Variants in TNRC18 observed in about 807,000 individuals in gnomAD.
The protein encoded by TNRC18 is trinucleotide repeat-containing gene 18 protein.
In TNRC18, 69 loss-of-function variants were observed where a neutral mutation model predicts 226.7. That is an observed-to-expected ratio of 0.30 (90% CI 0.25 to 0.37). The LOEUF is 0.37. Among genes scored for constraint, TNRC18 ranks in the 10% least tolerant of loss-of-function variants. TNRC18 has a pLI of 1.00. For synonymous variants in TNRC18, 2,449 were observed against 1,927.6 expected (o/e 1.27, Z -7.09); for missense variants, 4,754 against 4,256.6 (o/e 1.12, Z -3.25).
chr7:5,364,462 AACACACACACACACACAC>A (rs58752853), intron 11 of TNRC18, among the ~76,000 whole-genome samples: 3,270 of 116,680 alleles, frequency 0.028, 64 homozygotes, highest in Non-Finnish European at 0.042. Context: ...TCTCAAAGAA[AACACACACACACACACAC>A]ACACACACAC....
At position 5,309,025 on chromosome 7, in the gene TNRC18, T is replaced by C; in HGVS notation, c.8626-76A>G. The stretch of plus-strand genomic sequence containing the variant: ...CCGACCCCAGGCCCCAGGACAGGGC[T>C]GACCCACTGGGCAGGGCTGCTGATG... On this transcript the variant is annotated intron_variant, in intron 28 of 29. Coordinates refer to ENST00000430969, the MANE Select transcript of TNRC18 (RefSeq NM_001080495.3). This position sits in a 1 kb window ranked among gnomAD's most constrained non-coding sequence, Gnocchi z 5.7. 2 of 1,524,908 alleles carry C rather than the reference T, an allele frequency of 1.3e-6. No individual in the cohort carries two copies. Among genetic ancestry groups the C allele is most frequent in the Non-Finnish European group, 1.8e-6 (2 of 1,121,938 alleles). 94.5% of individuals were successfully genotyped at this position (1,524,908 alleles called of 1,614,324 possible).
chr7:5,327,309 G>GA (rs1175980572), intron 19 of TNRC18, among the ~76,000 whole-genome samples: 1 of 152,136 alleles, frequency 6.6e-6, no homozygotes, highest in Non-Finnish European at 1.5e-5. Flanking sequence ...ATGTTCTAGG[G>GA]AAAAAGAATA....
rs1276582254 is a variant in TNRC18, at chr7:5,312,196, G to A, written c.8388+307C>T. On this transcript the variant is annotated intron_variant, in intron 27 of 29. Transcript: ENST00000430969. The surrounding 1 kb of genome is among the most constrained non-coding windows in gnomAD (Gnocchi z 6.3). ...AAAGCCCCTTCCACGTGGCGCCGAC[G>A]CCTGTGGGTCTGTGCTGATCTTTGC... Among the ~76,000 whole-genome samples the A allele has an allele frequency of 6.6e-6, 1 of 152,124 alleles. No individual in the cohort carries two copies. The highest frequency in any genetic ancestry group is 6.5e-5 in the Admixed American group (1 of 15,280).
intron 19 of TNRC18, among the ~76,000 whole-genome samples, chr7:5,326,772 A>G (rs1431680891): frequency 1.1e-4 from 16 of 149,204 alleles, no homozygotes; most frequent in African/African-American, 3.5e-4. Context: ...GCGCCACCAC[A>G]CTCCAGCCTG....
chr7:5,321,794 C>T (rs923335432), intron 21 of TNRC18, among the ~76,000 whole-genome samples: 30 of 151,766 alleles, frequency 2.0e-4, no homozygotes, highest in Non-Finnish European at 4.0e-4. Context: ...GCCTCAGCCT[C>T]CCAAGCAGCT....
At chr7:5,332,574 G>A in intron 19 of TNRC18, 48 bp downstream of exon 19, 8 of 1,477,720 alleles carry the variant, frequency 5.4e-6, no homozygotes, top group Non-Finnish European at 7.1e-6. Context: ...CTCCCTCACG[G>A]AACCCCAGGG....
intron 11 of TNRC18, among the ~76,000 whole-genome samples, chr7:5,368,391 G>A (rs577541046): frequency 2.0e-5 from 3 of 152,066 alleles, no homozygotes; most frequent in South Asian, 2.1e-4. Flanking sequence ...GTCCGGGCGC[G>A]GTGGCTCACG....
In TNRC18 at chr7:5,421,382, C is replaced by T. The variant is rs949757625; in HGVS notation, c.-136G>A. The T allele has an allele frequency of 1.2e-6, 1 of 847,772 alleles. No individual in the cohort carries two copies. The highest frequency in any genetic ancestry group is 1.5e-6 in the Non-Finnish European group (1 of 661,066). The allele number at this position is 847,772 out of a possible 1,614,324, so 52.5% of individuals were successfully genotyped here. A position where few individuals can be genotyped will look rare whatever the true frequency, so the allele number is the denominator to read the frequency against. ...CCGCGGCGTGCATGGCGGCGGCCAG[C>T]GGGGCTTGCGCTCGGCGGCGGGCCC... On this transcript the variant is annotated 5_prime_UTR_variant, in exon 2 of 30. Transcript: ENST00000430969.
chr7:5,321,245 C>G (rs1788324110), intron 21 of TNRC18, 55 bp from the exon 22 acceptor site: 2 of 1,282,956 alleles, frequency 1.6e-6, no homozygotes, highest in African/African-American at 1.5e-5. Flanking sequence ...TGCGACACCT[C>G]TCCCTCCTCC....
Position 5,324,312 on chromosome 7 carries a change from A to C in TNRC18, c.6344T>G (p.Met2115Arg), listed in dbSNP as rs778804816. The C allele has an allele frequency of 1.9e-6, 3 of 1,613,612 alleles. No homozygotes were observed. ...GGGTTCAAAGTCCTCCTCGGCTGCC[A>C]TGCTCTCCATCAGCTTGCTCACGGC... ...GGAVSKLMES[M>R]AAEEDFEPNQ... The change falls in exon 21 of 30, where the codon ATG becomes AGG. Residue 2115 changes from methionine (M) to arginine (R), a missense_variant. By Grantham distance (91) the Met-to-Arg change is moderately conservative (BLOSUM62 -1). Transcript: ENST00000430969. This position sits in a 1 kb window ranked among gnomAD's most constrained non-coding sequence, Gnocchi z 4.8.
intron 16 of TNRC18, among the ~76,000 whole-genome samples, chr7:5,356,412 G>C (rs1408843746): frequency 6.6e-6 from 1 of 152,150 alleles, no homozygotes; most frequent in Admixed American, 6.5e-5. Flanking sequence ...GAGCACGGTG[G>C]GCGCTCCATA....
intron 18 of TNRC18, among the ~76,000 whole-genome samples, chr7:5,336,048 AAT>A (rs1200853544): frequency 6.6e-6 from 1 of 151,942 alleles, no homozygotes; most frequent in African/African-American, 2.4e-5. Flanking sequence ...CTCTACAAAA[AAT>A]ACAAAAATTA....
chr7:5,383,563 A>T (rs556705870), intron 5 of TNRC18, among the ~76,000 whole-genome samples: 2 of 152,278 alleles, frequency 1.3e-5, no homozygotes, highest in Admixed American at 1.3e-4. Flanking sequence ...ACCCATTGAC[A>T]AAGGCAGAGG....
At chr7:5,336,044 A>T (rs536241650) in intron 18 of TNRC18, among the ~76,000 whole-genome samples, 80 of 151,798 alleles carry the variant, frequency 5.3e-4, no homozygotes, top group Admixed American at 7.2e-4. Flanking sequence ...CCATCTCTAC[A>T]AAAAATACAA....
At chr7:5,389,661 G>A (rs1242346787) in intron 4 of TNRC18, 4 of 174,322 alleles carry the variant, frequency 2.3e-5, no homozygotes, top group Non-Finnish European at 3.6e-5. Flanking sequence ...CACCATGTTC[G>A]TCAGGCTGGT....
intron 11 of TNRC18, among the ~76,000 whole-genome samples, chr7:5,369,815 T>A (rs554328438): frequency 3.9e-5 from 6 of 152,136 alleles, no homozygotes; most frequent in Non-Finnish European, 8.8e-5. Context: ...ACACCATCAA[T>A]AGAATGAGAA....
chr7:5,386,432 C>G (rs1779794653), intron 5 of TNRC18, among the ~76,000 whole-genome samples: 1 of 151,604 alleles, frequency 6.6e-6, no homozygotes, highest in South Asian at 2.1e-4. Context: ...CAAAAATTAG[C>G]CAGGCATGGT....
intron 1 of TNRC18, among the ~76,000 whole-genome samples, chr7:5,421,730 G>T (rs1011458925): frequency 6.6e-6 from 1 of 152,204 alleles, no homozygotes; most frequent in African/African-American, 2.4e-5. Flanking sequence ...GGCGGCGGTG[G>T]CGCGCTGCGC....
At chr7:5,339,269 TCA>T (rs1790435882) in intron 18 of TNRC18, among the ~76,000 whole-genome samples, 1 of 151,052 alleles carries the variant, frequency 6.6e-6, no homozygotes, top group Non-Finnish European at 1.5e-5. Context: ...AGATGGAGTC[TCA>T]CTCTATTGCC....
Sources: gnomAD v4.1 joint callset for allele counts (sites outside exome capture counted in the v4.1 genomes callset) on GRCh38, gnomAD v4.1.1 for gene constraint, Gnocchi (gnomAD v3.1) non-coding constraint, MANE v1.5 for transcripts, NCBI Gene and HGNC (gene_info 2026-07-23, HGNC 2026-07-21) for gene names.